BNIP2: variants seen among roughly 807,000 people sequenced by gnomAD.
The protein encoded by BNIP2 is BCL2/adenovirus E1B 19 kDa protein-interacting protein 2.
BNIP2 carries 36 observed loss-of-function variants against 43.4 expected under a neutral mutation model. The ratio of observed to expected loss-of-function variants is 0.83; its 90% CI spans 0.64 to 1.10. The LOEUF is 1.10. Ranked by LOEUF, BNIP2 falls within the 50% of genes least tolerant of loss-of-function variation. The probability of loss-of-function intolerance (pLI) is 0.00; values close to 1 mark genes in which losing one functional copy is unlikely to be tolerated. For missense variants in BNIP2, 417 were observed against 374.1 expected, an observed-to-expected ratio of 1.11 and a Z score of -0.95; for synonymous variants, 146 against 121.0, an observed-to-expected ratio of 1.21 and a Z score of -1.35.
chr15:59,678,641 C>G, intron 4 of BNIP2: 1 of 1,158,160 alleles, frequency 8.6e-7, no homozygotes, highest in Non-Finnish European at 1.1e-6. Context: ...TAGCATTAGC[C>G]AAAGCATAAG....
chr15:59,687,428 T>C (rs1277187065), intron 1 of BNIP2, among the ~76,000 whole-genome samples: 1 of 150,850 alleles, frequency 6.6e-6, no homozygotes, highest in African/African-American at 2.4e-5. Flanking sequence ...CTCGGCTCGC[T>C]ACAACCTCCA....
chr15:59,689,237 C>T lies in BNIP2; in HGVS notation c.-160G>A, dbSNP rs1894225410. 3 of 1,542,268 alleles carry T rather than the reference C, an allele frequency of 1.9e-6. No homozygotes were observed. Among genetic ancestry groups the T allele is most frequent in the Non-Finnish European group, 8.7e-7 (1 of 1,146,200 alleles). ...AAGCAGGGCCGAGCGGAGCCCGCTC[C>T]CCTCGGTCGGCGGTGGAGACCCCGG... On this transcript the variant is annotated 5_prime_UTR_variant, in exon 1 of 10. Coordinates refer to ENST00000607373, the MANE Select transcript of BNIP2 (RefSeq NM_004330.4).
At chr15:59,664,998 G>A (rs1035626542) in intron 9 of BNIP2, among the ~76,000 whole-genome samples, 2 of 152,208 alleles carry the variant, frequency 1.3e-5, no homozygotes, top group African/African-American at 4.8e-5. Flanking sequence ...GGATGCCGTG[G>A]CTCACGCCTG....
rs1444624442 is a variant in BNIP2 at position 59,663,019 on chromosome 15, T to C, written c.*1050A>G. On this transcript the variant is annotated 3_prime_UTR_variant, in exon 10 of 10. Coordinates refer to ENST00000607373, the MANE Select transcript of BNIP2 (RefSeq NM_004330.4). ...TACAGTATTGTCAAACATGATTTCA[T>C]ACAAACTTGAATAAACACCACATCT... 1 of 152,632 alleles carries C rather than the reference T, an allele frequency of 6.6e-6. No homozygotes were observed. The highest frequency in any genetic ancestry group is 6.5e-5 in the Admixed American group (1 of 15,282). The allele number at this position is 152,632 out of a possible 1,614,324, so 9.5% of individuals were successfully genotyped here.
chr15:59,686,527 T>C (rs1486016329), intron 1 of BNIP2, among the ~76,000 whole-genome samples: 2 of 152,224 alleles, frequency 1.3e-5, no homozygotes, highest in Non-Finnish European at 2.9e-5. Context: ...AGTAGGCAGA[T>C]GGAAACGCCC....
At position 59,676,921 on chromosome 15, in the gene BNIP2, C is replaced by G. The variant is rs1893337303; in HGVS notation, c.472+990G>C. 1.9e-6 allele frequency: 3 copies of G among 1,608,252 alleles called. No homozygotes were observed. The Admixed American group carries it at 5.1e-5, about 27-fold the overall frequency. On this transcript the variant is annotated intron_variant, in intron 5 of 9. Coordinates refer to ENST00000607373, the MANE Select transcript of BNIP2 (RefSeq NM_004330.4). ...CGGTGTGGCTGGCAGCCTACGGACTCTTCACCCTCTGCGAGAACAGCATGA... is the reference window on the plus strand; with the variant it reads ...CGGTGTGGCTGGCAGCCTACGGACTGTTCACCCTCTGCGAGAACAGCATGA...
chr15:59,665,131 G>C (rs1892492011), intron 9 of BNIP2, among the ~76,000 whole-genome samples: 1 of 152,012 alleles, frequency 6.6e-6, no homozygotes, highest in African/African-American at 2.4e-5. Flanking sequence ...AGGTGTGGTG[G>C]TACGCGTCTG....
intron 1 of BNIP2, chr15:59,688,820 G>A (rs1428060073): frequency 2.0e-6 from 3 of 1,533,988 alleles, no homozygotes; most frequent in South Asian, 1.2e-5. Flanking sequence ...ACCCACACCA[G>A]GGTAAAAGGG....
intron 8 of BNIP2, 126 bp from the exon 9 acceptor site, chr15:59,669,116 G>C: frequency 9.3e-7 from 1 of 1,069,932 alleles, no homozygotes; most frequent in Non-Finnish European, 1.4e-6. Flanking sequence ...AAATGTCTGA[G>C]GTGATGGATG....
Position 59,684,302 on chromosome 15 carries a change from C to G in BNIP2, c.-57-1788G>C, listed in dbSNP as rs1258981869. ...CACCAACTTATTTGCTTGAAAAAGT[C>G]ATTTACATATAGGAGTAAGGTTTTT... On this transcript the variant is annotated intron_variant, in intron 1 of 9. Coordinates refer to ENST00000607373, the MANE Select transcript of BNIP2 (RefSeq NM_004330.4). 2.0e-5 allele frequency among the ~76,000 whole-genome samples: 3 copies of G among 152,176 alleles called. No individual in the cohort carries two copies. In the East Asian group the frequency reaches 5.8e-4, roughly 29 times the overall value.
In BNIP2 at chr15:59,676,660, A is replaced by G. The variant is rs1244668706; in HGVS notation, c.472+1251T>C. 1.0e-5 allele frequency: 6 copies of G among 595,766 alleles called. No individual in the cohort carries two copies. The African/African-American group carries it at 1.1e-4, about 11-fold the overall frequency. 36.9% of individuals were successfully genotyped at this position (595,766 alleles called of 1,614,324 possible). ...ATAATATCTCTAGGCAGAGTTTCTAAAAGTATTTAGAATTCTGATATTGCA... is the reference window on the plus strand; with the variant it reads ...ATAATATCTCTAGGCAGAGTTTCTAGAAGTATTTAGAATTCTGATATTGCA... On this transcript the variant is annotated intron_variant, in intron 5 of 9. Transcript: ENST00000607373.
At chr15:59,678,867 C>A (rs1289961493) in intron 4 of BNIP2, 1 of 1,301,718 alleles carries the variant, frequency 7.7e-7, no homozygotes. Flanking sequence ...AGAGACAAAA[C>A]ACATAGGCAC....
rs377764966 is a variant in BNIP2, at chr15:59,671,290, T to C, written c.600A>G (p.Leu200=). ...LFKYVIGTLE[L]LVAENYMIVY... The stretch of plus-strand genomic sequence containing the variant: ...CTATCATGTAGTTTTCTGCTACTAA[T>C]AGCTCCAAAGTGCCAATAACATATC... The change falls in exon 7 of 10, where the codon CTA becomes CTG. Residue 200 remains leucine (L), a synonymous_variant. Coordinates refer to ENST00000607373, the MANE Select transcript of BNIP2 (RefSeq NM_004330.4). 16 of 1,591,316 alleles carry C rather than the reference T, an allele frequency of 1.0e-5. No individual in the cohort carries two copies. The African/African-American group carries it at 1.9e-4, about 19-fold the overall frequency.
At chr15:59,683,377 T>G (rs1281085399) in intron 1 of BNIP2, among the ~76,000 whole-genome samples, 1 of 152,182 alleles carries the variant, frequency 6.6e-6, no homozygotes, top group Non-Finnish European at 1.5e-5. Context: ...ACACGAGTAT[T>G]TAGTTCATTT....
chr15:59,677,143 T>G (rs1184615549), intron 5 of BNIP2: 1 of 1,598,904 alleles, frequency 6.3e-7, no homozygotes, highest in Non-Finnish European at 8.6e-7. Flanking sequence ...GCTATTTACA[T>G]GCAGAAGGTG....
chr15:59,677,064 T>C, intron 5 of BNIP2: 1 of 1,611,184 alleles, frequency 6.2e-7, no homozygotes, highest in African/African-American at 1.3e-5. Context: ...GACTTCATCT[T>C]ATGCTTCAGG....
chr15:59,668,580 T>A (rs1200029802), intron 9 of BNIP2, among the ~76,000 whole-genome samples: 1 of 152,248 alleles, frequency 6.6e-6, no homozygotes, highest in Non-Finnish European at 1.5e-5. Context: ...GTTTGGAGAA[T>A]GCTCTTTAGT....
At chr15:59,667,169 T>C (rs1027775140) in intron 9 of BNIP2, among the ~76,000 whole-genome samples, 2 of 152,232 alleles carry the variant, frequency 1.3e-5, no homozygotes, top group African/African-American at 4.8e-5. Flanking sequence ...TGAAGTGTCA[T>C]ATAGAAGTGT....
intron 4 of BNIP2, chr15:59,678,346 G>T: frequency 8.5e-7 from 1 of 1,181,932 alleles, no homozygotes; most frequent in South Asian, 2.3e-5. Flanking sequence ...GTATCCACAA[G>T]TTCAGAAAAT....
Sources: allele counts gnomAD v4.1 joint callset (sites outside exome capture counted in the v4.1 genomes callset), GRCh38; gene constraint gnomAD v4.1.1; transcripts MANE v1.5; gene names NCBI Gene and HGNC (gene_info 2026-07-23, HGNC 2026-07-21).